Variants in ADGRL2 observed in about 807,000 individuals in gnomAD.
ADGRL2 encodes the protein calcium-independent alpha-latrotoxin receptor 2.
ADGRL2 carries 44 observed loss-of-function variants against 157.4 expected under a neutral mutation model. The ratio of observed to expected loss-of-function variants is 0.28; its 90% CI spans 0.22 to 0.36. ADGRL2 has a LOEUF of 0.36. Ranked by LOEUF, ADGRL2 falls within the 10% of genes least tolerant of loss-of-function variation. ADGRL2 has a pLI of 1.00. For missense variants in ADGRL2, 1,510 were observed against 1,768.9 expected, an observed-to-expected ratio of 0.85 and a Z score of 2.63; for synonymous variants, 585 against 624.7, an observed-to-expected ratio of 0.94 and a Z score of 0.95.
At chr1:81,565,800 C>G (rs1350569354) in intron 2 of ADGRL2, among the ~76,000 whole-genome samples, 2 of 152,070 alleles carry the variant, frequency 1.3e-5, no homozygotes, top group Non-Finnish European at 2.9e-5. Context: ...GATGTTTTCC[C>G]ATTAGAAATG....
chr1:81,943,416 AC>A lies in ADGRL2; in HGVS notation c.858del (p.Asn286LysfsTer4). On this transcript the variant is annotated frameshift_variant, in exon 6 of 24. Coordinates refer to ENST00000686636, the MANE Select transcript of ADGRL2 (RefSeq NM_001366006.2). LOFTEE classifies it high-confidence loss of function. The surrounding 1 kb of genome is among the most constrained non-coding windows in gnomAD (Gnocchi z 5.6). ...TGGGTCATTTACGCCACTGAACAGAACAATGGAATGATAGTTATTAGCCAGC... is the reference window on the plus strand; with the variant it reads ...TGGGTCATTTACGCCACTGAACAGAAAATGGAATGATAGTTATTAGCCAGC... Reference protein sequence around the residue: ...GLWVIYATEQNNGMIVISQLN... With the variant: ...GLWVIYATEQXNGMIVISQLN... 6.2e-7 allele frequency: 1 copy of A among 1,613,766 alleles called. No individual in the cohort carries two copies. Among genetic ancestry groups the A allele is most frequent in the Non-Finnish European group, 8.5e-7 (1 of 1,179,760 alleles).
At chr1:81,677,977 T>A (rs1224428324) in intron 3 of ADGRL2, among the ~76,000 whole-genome samples, 1 of 152,204 alleles carries the variant, frequency 6.6e-6, no homozygotes, top group East Asian at 1.9e-4. Flanking sequence ...TGAACTTCTA[T>A]CTTTGCACTT....
At chr1:81,422,953 C>T (rs2077151838) in intron 1 of ADGRL2, among the ~76,000 whole-genome samples, 1 of 152,176 alleles carries the variant, frequency 6.6e-6, no homozygotes, top group Non-Finnish European at 1.5e-5. Flanking sequence ...GTTCCCTGCC[C>T]CTTTATGCAT....
intron 1 of ADGRL2, among the ~76,000 whole-genome samples, chr1:81,314,015 C>T (rs908599773): frequency 3.3e-5 from 5 of 152,074 alleles, no homozygotes; most frequent in African/African-American, 9.7e-5. Flanking sequence ...AGTGTAATTA[C>T]GTCGATAGTG....
intron 1 of ADGRL2, among the ~76,000 whole-genome samples, chr1:81,738,275 G>A (rs981503624): frequency 1.3e-5 from 2 of 152,188 alleles, no homozygotes; most frequent in Non-Finnish European, 2.9e-5. Flanking sequence ...CTGGAAGAAC[G>A]GCAGATTCTC....
At chr1:81,799,546 G>A (rs1238789400), upstream of ADGRL2, among the ~76,000 whole-genome samples, 1 of 152,124 alleles carries the variant, frequency 6.6e-6, no homozygotes, top group African/African-American at 2.4e-5. Context: ...ATTTACTTTA[G>A]TACTACACCT....
Position 81,936,602 on chromosome 1 carries a change from A to G in ADGRL2, c.288-126A>G, listed in dbSNP as rs937819515. On this transcript the variant is annotated intron_variant, in intron 3 of 23. Coordinates refer to ENST00000686636, the MANE Select transcript of ADGRL2 (RefSeq NM_001366006.2). Reference sequence around the variant, plus strand: ...ATTTAATAATGTAGAGTAACTTAACATCACTTGAATTTTTGTTTTATGTTT... The same window carrying G: ...ATTTAATAATGTAGAGTAACTTAACGTCACTTGAATTTTTGTTTTATGTTT... 87 of 522,742 alleles carry G rather than the reference A, an allele frequency of 1.7e-4. No homozygotes were observed. The East Asian group carries it at 1.9e-3, about 12-fold the overall frequency. 32.4% of individuals were successfully genotyped at this position (522,742 alleles called of 1,614,324 possible).
At chr1:81,777,612 A>G (rs2149368072) in intron 2 of ADGRL2, among the ~76,000 whole-genome samples, 1 of 152,188 alleles carries the variant, frequency 6.6e-6, no homozygotes, top group South Asian at 2.1e-4. Flanking sequence ...CTCTACAAAA[A>G]ATTAGCCCGG....
At chr1:81,338,664 T>C (rs1661831869) in intron 1 of ADGRL2, among the ~76,000 whole-genome samples, 2 of 152,224 alleles carry the variant, frequency 1.3e-5, no homozygotes, top group Admixed American at 6.5e-5. Context: ...TTGCATAGTA[T>C]TCACCATGTA....
At chr1:81,655,611 C>A (rs2082517161) in intron 3 of ADGRL2, among the ~76,000 whole-genome samples, 2 of 152,038 alleles carry the variant, frequency 1.3e-5, no homozygotes, top group Admixed American at 6.6e-5. Flanking sequence ...CCTATTTTAC[C>A]TTTCTTCCTG....
intron 18 of ADGRL2, among the ~76,000 whole-genome samples, chr1:81,981,560 T>C (rs189437790): frequency 1.8e-4 from 28 of 152,102 alleles, no homozygotes; most frequent in Middle Eastern, 3.4e-3. Flanking sequence ...TATTTTAATA[T>C]AGTTTTGATA....
At chr1:81,448,092 A>T (rs1041010545) in intron 2 of ADGRL2, among the ~76,000 whole-genome samples, 1 of 149,674 alleles carries the variant, frequency 6.7e-6, no homozygotes, top group African/African-American at 2.5e-5. Flanking sequence ...AGCCTGCGGA[A>T]CCATGAGCCA....
chr1:81,660,960 C>T (rs917357514), intron 3 of ADGRL2, among the ~76,000 whole-genome samples: 4 of 152,148 alleles, frequency 2.6e-5, no homozygotes, highest in Non-Finnish European at 5.9e-5. Context: ...GGAAGGATTT[C>T]TGAAATCGTT....
intron 2 of ADGRL2, among the ~76,000 whole-genome samples, chr1:81,566,753 A>G (rs987195636): frequency 1.3e-5 from 2 of 152,170 alleles, no homozygotes; most frequent in Non-Finnish European, 2.9e-5. Flanking sequence ...TGGTGACTCT[A>G]TTAAGCTAAA....
chr1:81,330,619 G>T (rs953445125), intron 1 of ADGRL2, among the ~76,000 whole-genome samples: 4 of 151,990 alleles, frequency 2.6e-5, no homozygotes, highest in African/African-American at 7.3e-5. Flanking sequence ...CAAACTAATG[G>T]ATCTTTCCTA....
At chr1:81,432,879 C>A (rs939048275) in intron 1 of ADGRL2, among the ~76,000 whole-genome samples, 4 of 152,056 alleles carry the variant, frequency 2.6e-5, no homozygotes, top group Non-Finnish European at 5.9e-5. Context: ...CAATCATGGG[C>A]CGTTCTATGG....
chr1:81,990,859 C>T lies in ADGRL2; in HGVS notation c.4124C>T (p.Ser1375Phe). ...GCAGAGGCTGAAGATCACCTACAGT[C>T]CCCCAACAGAGACTCTCTTTATACA... ...LTAEAEDHLQ[S>F]PNRDSLYTSM... is the part of the protein sequence containing the mutation. The change falls in exon 24 of 24, where the codon TCC (serine) becomes TTC (phenylalanine). Residue 1375 changes from serine to phenylalanine, a missense_variant. Ser to Phe is a radical substitution (Grantham distance 155). This residue lies in a region of ADGRL2 where 327 missense variants were observed against 310.1 expected (regional missense o/e 1.05). Coordinates refer to ENST00000686636, the MANE Select transcript of ADGRL2 (RefSeq NM_001366006.2). 1 of 1,614,090 alleles carries T rather than the reference C, an allele frequency of 6.2e-7. No homozygotes were observed.
intron 3 of ADGRL2, among the ~76,000 whole-genome samples, chr1:81,660,476 A>C (rs2082627951): frequency 6.6e-6 from 1 of 152,156 alleles, no homozygotes; most frequent in Non-Finnish European, 1.5e-5. Context: ...TCCTGTCACC[A>C]ACTGACCTAA....
intron 2 of ADGRL2, among the ~76,000 whole-genome samples, chr1:81,537,912 C>T (rs2079783939): frequency 6.6e-6 from 1 of 152,088 alleles, no homozygotes; most frequent in African/African-American, 2.4e-5. Flanking sequence ...GTTGGCCAAG[C>T]TGGTCTCAAA....
Sources: gnomAD v4.1 joint callset for allele counts (sites outside exome capture counted in the v4.1 genomes callset) on GRCh38, gnomAD v4.1.1 for gene constraint, gnomAD v4.1.1 regional missense constraint, Gnocchi (gnomAD v3.1) non-coding constraint, MANE v1.5 for transcripts, NCBI Gene and HGNC (gene_info 2026-07-23, HGNC 2026-07-21) for gene names.